CHD9: variants seen among roughly 807,000 people sequenced by gnomAD.
The protein encoded by CHD9 is ATP-dependent chromatin remodeler CHD9.
Under a neutral mutation model 316.1 loss-of-function variants are expected in CHD9, and 77 were observed. The observed-to-expected ratio is 0.24, with a 90% confidence interval of 0.20 to 0.29. The LOEUF (loss-of-function observed/expected upper bound fraction) is 0.29, where lower values mean the gene tolerates loss of function less well. CHD9 is among the 10% of genes least tolerant of loss of function. The pLI is 1.00. For synonymous variants in CHD9, 1,129 were observed against 1,158.3 expected (o/e 0.97, Z 0.51); for missense variants, 2,763 against 3,438.1 (o/e 0.80, Z 4.91).
chr16:53,285,621 C>A lies in CHD9; in HGVS notation c.4993C>A (p.Pro1665Thr), dbSNP rs1175413613. ...ASDIDVWVPEPDHSEVPAEWW... is the reference protein window; with the variant it reads ...ASDIDVWVPETDHSEVPAEWW... ...TGACATTGATGTTTGGGTACCAGAA[C>A]CAGACCACTCAGAAGTTCCTGCTGA... is the stretch of plus-strand genomic sequence containing the variant. Residue 1665 changes from proline (P) to threonine (T), a missense_variant, in exon 25 of 39, where the codon CCA (proline) becomes ACA (threonine). By Grantham distance (38) the Pro-to-Thr change is conservative. Transcript: ENST00000447540. The A allele has an allele frequency of 6.2e-7, 1 of 1,604,214 alleles. No individual in the cohort carries two copies. The highest frequency in any genetic ancestry group is 1.3e-5 in the African/African-American group (1 of 74,452).
chr16:53,083,479 T>C (rs779485543), intron 1 of CHD9, among the ~76,000 whole-genome samples: 8 of 152,190 alleles, frequency 5.3e-5, no homozygotes, highest in Non-Finnish European at 8.8e-5. Context: ...TTCCCCTCTT[T>C]CTCTGCCTGT....
At chr16:53,249,186 G>A (rs2049927874) in intron 16 of CHD9, among the ~76,000 whole-genome samples, 1 of 152,036 alleles carries the variant, frequency 6.6e-6, no homozygotes, top group African/African-American at 2.4e-5. Flanking sequence ...TCTCCATTTT[G>A]CAGGTACCAG....
chr16:53,114,679 G>C (rs78078506), intron 1 of CHD9, among the ~76,000 whole-genome samples: 1 of 152,032 alleles, frequency 6.6e-6, no homozygotes, highest in East Asian at 1.9e-4. Context: ...GCTCCGCCTC[G>C]CGGGTTCACG....
intron 1 of CHD9, among the ~76,000 whole-genome samples, chr16:53,155,687 A>G (rs1307774309): frequency 6.6e-6 from 1 of 152,058 alleles, no homozygotes; most frequent in Non-Finnish European, 1.5e-5. Flanking sequence ...GCTATCACTC[A>G]CCAATCACCA....
At chr16:53,081,263 C>T (rs1418594207) in intron 1 of CHD9, among the ~76,000 whole-genome samples, 2 of 152,176 alleles carry the variant, frequency 1.3e-5, no homozygotes. Context: ...TACAGAGTTT[C>T]TAGATGGGAG....
At chr16:53,293,196 T>C in intron 29 of CHD9, 144 bp downstream of exon 29, 1 of 650,284 alleles carries the variant, frequency 1.5e-6, no homozygotes, top group Non-Finnish European at 2.7e-6. Context: ...CATACACACA[T>C]ATACTCACAC....
chr16:53,065,943 T>A (rs147931600), intron 1 of CHD9, among the ~76,000 whole-genome samples: 1 of 152,342 alleles, frequency 6.6e-6, no homozygotes, highest in East Asian at 1.9e-4. Context: ...CATCCTGTCC[T>A]GTCCTTAAGG....
At chr16:53,076,335 G>A (rs1482287223) in intron 1 of CHD9, among the ~76,000 whole-genome samples, 1 of 152,110 alleles carries the variant, frequency 6.6e-6, no homozygotes, top group Non-Finnish European at 1.5e-5. Flanking sequence ...AGCACTTTGG[G>A]AGGCCAAGAC....
chr16:53,178,427 CTTT>C (rs10569589), intron 2 of CHD9, among the ~76,000 whole-genome samples: 30 of 98,958 alleles, frequency 3.0e-4, no homozygotes, highest in African/African-American at 9.8e-4. Flanking sequence ...TTGTTGGTTT[CTTT>C]TTTTTTTTTT....
chr16:53,238,776 A>G (rs572435219), intron 12 of CHD9, among the ~76,000 whole-genome samples, 190 bp downstream of exon 12: 21 of 152,326 alleles, frequency 1.4e-4, no homozygotes, highest in African/African-American at 4.6e-4. Context: ...AGAAAAGTCA[A>G]TTTAATGCTG....
At chr16:53,062,607 G>A (rs1391522921) in intron 1 of CHD9, among the ~76,000 whole-genome samples, 1 of 152,124 alleles carries the variant, frequency 6.6e-6, no homozygotes, top group Non-Finnish European at 1.5e-5. Context: ...CCTGGGTGTA[G>A]TGATGCATGC....
At position 53,157,031 on chromosome 16, in the gene CHD9, T is replaced by C. The variant is rs371390517; in HGVS notation, c.942T>C (p.His314=). 5.6e-6 allele frequency: 9 copies of C among 1,612,722 alleles called. No homozygotes were observed. In the African/African-American group the frequency reaches 1.2e-4, roughly 22 times the overall value. ...CTGGAAGTAATTCCTTTTCACCTCA[T>C]AGAGGAATCAAGCAAGAATCTACTC... ...DFTGSNSFSP[H]RGIKQESTQH... is the part of the protein sequence containing the mutation. Residue 314 remains histidine (H), a synonymous_variant, in exon 2 of 39, where the codon CAT becomes CAC. Transcript: ENST00000447540.
Position 53,156,535 on chromosome 16 carries a change from C to G in CHD9, c.446C>G (p.Ser149Cys), listed in dbSNP as rs2041532566. 1.9e-6 allele frequency: 3 copies of G among 1,613,990 alleles called. No homozygotes were observed. Among genetic ancestry groups the G allele is most frequent in the Non-Finnish European group, 2.5e-6 (3 of 1,179,884 alleles). The change falls in exon 2 of 39, where the codon TCT becomes TGT. Residue 149 changes from serine to cysteine, a missense_variant. By Grantham distance (112) the Ser-to-Cys change is moderately radical. This residue lies in a region of CHD9 where 859 missense variants were observed against 890.4 expected (regional missense o/e 0.96). Transcript: ENST00000447540. ...TTTCACCAACAAGGACATTCACACT[C>G]TATGCATCAAAATAAAAGCTTTGTG... The part of the protein sequence containing the change: ...SPFHQQGHSH[S>C]MHQNKSFVAH...
rs547099543 is a variant in CHD9, at chr16:53,252,206, A to G, written c.3861+2140A>G. Among the ~76,000 whole-genome samples the G allele has an allele frequency of 6.6e-5, 10 of 152,354 alleles. 1 individual carries two copies. The highest frequency in any genetic ancestry group is 3.3e-4 in the Admixed American group (5 of 15,304). ...ATGGTACTGGTATAAAAATAGACAC[A>G]TAGACCAATGGAACAGAATAGAGAA... On this transcript the variant is annotated intron_variant, in intron 17 of 38. Transcript: ENST00000447540.
At chr16:53,082,112 C>T (rs1266231328) in intron 1 of CHD9, among the ~76,000 whole-genome samples, 1 of 152,162 alleles carries the variant, frequency 6.6e-6, no homozygotes, top group East Asian at 1.9e-4. Context: ...GTTGGTGTTC[C>T]ATATCAGGAG....
At chr16:53,145,343 G>A (rs2040482581) in intron 1 of CHD9, among the ~76,000 whole-genome samples, 1 of 151,450 alleles carries the variant, frequency 6.6e-6, no homozygotes, top group Admixed American at 6.6e-5. Flanking sequence ...TAGAAATGGG[G>A]TTTCTCCATG....
At chr16:53,220,726 T>G (rs545629195) in intron 3 of CHD9, among the ~76,000 whole-genome samples, 3 of 152,198 alleles carry the variant, frequency 2.0e-5, no homozygotes, top group Admixed American at 6.5e-5. Context: ...TGTGAACTCT[T>G]TGTGTGTCAT....
intron 13 of CHD9, among the ~76,000 whole-genome samples, chr16:53,244,037 G>A (rs749840774): frequency 3.2e-4 from 48 of 151,848 alleles, no homozygotes; most frequent in South Asian, 1.5e-3. Flanking sequence ...GTGCAGATTC[G>A]CAGATACATA....
At chr16:53,318,979 G>A (rs1442179909) in intron 37 of CHD9, among the ~76,000 whole-genome samples, 2 of 152,168 alleles carry the variant, frequency 1.3e-5, no homozygotes, top group South Asian at 2.1e-4. Context: ...AAGTTACCTT[G>A]TAGACTAATG....
Sources: gnomAD v4.1 joint callset for allele counts (sites outside exome capture counted in the v4.1 genomes callset) on GRCh38, gnomAD v4.1.1 for gene constraint, gnomAD v4.1.1 regional missense constraint, MANE v1.5 for transcripts, NCBI Gene and HGNC (gene_info 2026-07-23, HGNC 2026-07-21) for gene names.